The following HGF variants were observed in gnomAD, a reference collection of about 807,000 sequenced individuals.
HGF encodes fibroblast-derived tumor cytotoxic factor.
Under a neutral mutation model 111.6 loss-of-function variants are expected in HGF, and 39 were observed. The observed-to-expected ratio is 0.35, with a 90% confidence interval of 0.27 to 0.46. The LOEUF (loss-of-function observed/expected upper bound fraction) is 0.46. Ranked by LOEUF, HGF falls within the 20% of genes least tolerant of loss-of-function variation. HGF has a pLI of 1.00. For missense variants in HGF, 735 were observed against 910.5 expected (o/e 0.81, Z 2.48); for synonymous variants, 285 against 294.8 (o/e 0.97, Z 0.34).
In HGF at chr7:81,745,199, C is replaced by A. The variant is rs1397417579; in HGVS notation, c.626-79G>T. The A allele has an allele frequency of 2.1e-6, 3 of 1,449,894 alleles. No homozygotes were observed. In the African/African-American group the frequency reaches 4.2e-5, roughly 20 times the overall value. 89.8% of individuals were successfully genotyped at this position (1,449,894 alleles called of 1,614,324 possible). A position where few individuals can be genotyped will look rare whatever the true frequency, so the allele number is the denominator to read the frequency against. ...CACCACTGTTGCATTTAAAGAACAG[C>A]ACCTGTTTAGTAAACAGATTTTTAA... On this transcript the variant is annotated intron_variant, in intron 5 of 17. Coordinates refer to ENST00000222390, the MANE Select transcript of HGF (RefSeq NM_000601.6).
intron 1 of HGF, among the ~76,000 whole-genome samples, chr7:81,766,385 T>C (rs183835057): frequency 6.6e-6 from 1 of 152,242 alleles, no homozygotes; most frequent in Admixed American, 6.5e-5. Context: ...ACACAAATAA[T>C]TAATGGAAGG....
At chr7:81,762,271 T>A (rs1027387716) in intron 2 of HGF, among the ~76,000 whole-genome samples, 1 of 152,206 alleles carries the variant, frequency 6.6e-6, no homozygotes, top group African/African-American at 2.4e-5. Context: ...TCTCAACACC[T>A]TTTATTTAAA....
rs1368997557 is a variant in HGF, at chr7:81,700,825, T to C, written c.*1756A>G. ...TATGAAAAAAAAATTGTATAAGCATTTCTGGACTCGCCGCCCTATATTCTG... is the reference window on the plus strand; with the variant it reads ...TATGAAAAAAAAATTGTATAAGCATCTCTGGACTCGCCGCCCTATATTCTG... On this transcript the variant is annotated 3_prime_UTR_variant, in exon 18 of 18. Transcript: ENST00000222390. 1.3e-5 allele frequency: 2 copies of C among 151,562 alleles called. No individual in the cohort carries two copies. The highest frequency in any genetic ancestry group is 3.0e-5 in the Non-Finnish European group (2 of 67,652). The allele number at this position is 151,562 out of a possible 1,614,324, so 9.4% of individuals were successfully genotyped here. A position where few individuals can be genotyped will look rare whatever the true frequency, so the allele number is the denominator to read the frequency against.
At chr7:81,705,104 T>C (rs1789386984) in intron 17 of HGF, among the ~76,000 whole-genome samples, 1 of 151,872 alleles carries the variant, frequency 6.6e-6, no homozygotes, top group East Asian at 1.9e-4. Flanking sequence ...CTAACTGATT[T>C]GGATACTTCT....
chr7:81,716,908 G>C (rs1032690197), intron 11 of HGF, among the ~76,000 whole-genome samples: 1 of 152,130 alleles, frequency 6.6e-6, no homozygotes, highest in South Asian at 2.1e-4. Flanking sequence ...ATTGGTATTG[G>C]GGGGTGGGGA....
At chr7:81,758,964 C>T (rs752711311) in intron 2 of HGF, among the ~76,000 whole-genome samples, 160 bp from the exon 3 acceptor site, 1 of 151,958 alleles carries the variant, frequency 6.6e-6, no homozygotes, top group Non-Finnish European at 1.5e-5. Flanking sequence ...TTGAACCTAC[C>T]ATTTTGATAG....
Position 81,757,314 on chromosome 7 carries a change from A to G in HGF, c.368-11T>C, listed in dbSNP as rs748636962. ...AGTTTCTAATGTAGTCTATTGAAGA[A>G]AGTAGATAAAATTATTGCAACTATG... On this transcript the variant is annotated splice_polypyrimidine_tract_variant and intron_variant, in intron 3 of 17. Coordinates refer to ENST00000222390, the MANE Select transcript of HGF (RefSeq NM_000601.6). 88 of 1,399,944 alleles carry G rather than the reference A, an allele frequency of 6.3e-5. No individual in the cohort carries two copies. Among genetic ancestry groups the G allele is most frequent in the Admixed American group, 1.7e-4 (10 of 59,714 alleles). The allele number at this position is 1,399,944 out of a possible 1,614,324, so 86.7% of individuals were successfully genotyped here.
At position 81,745,093 on chromosome 7, in the gene HGF, C is replaced by T. The variant is rs2116046085; in HGVS notation, c.653G>A (p.Ser218Asn). ...TGTATGATCCATGAGACCTCGATAACTCTCCCCATTGCAGGTCATGCATTC... is the reference window on the plus strand; with the variant it reads ...TGTATGATCCATGAGACCTCGATAATTCTCCCCATTGCAGGTCATGCATTC... The part of the protein sequence containing the change: ...EVECMTCNGE[S>N]YRGLMDHTES... Residue 218 changes from serine (S) to asparagine (N), a missense_variant, in exon 6 of 18, where the codon AGT becomes AAT. Ser to Asn is a conservative substitution (Grantham distance 46). Coordinates refer to ENST00000222390, the MANE Select transcript of HGF (RefSeq NM_000601.6). The T allele has an allele frequency of 6.2e-7, 1 of 1,613,874 alleles. No individual in the cohort carries two copies. Among genetic ancestry groups the T allele is most frequent in the Non-Finnish European group, 8.5e-7 (1 of 1,179,806 alleles).
intron 15 of HGF, 45 bp downstream of exon 15, chr7:81,706,242 A>T (rs1789422680): frequency 6.3e-7 from 1 of 1,586,006 alleles, no homozygotes. Context: ...TGCTCCAACA[A>T]TTCTTGTCCA....
intron 7 of HGF, among the ~76,000 whole-genome samples, chr7:81,741,136 G>A (rs141695501): frequency 3.2e-4 from 49 of 152,092 alleles, no homozygotes; most frequent in Admixed American, 2.2e-3. Flanking sequence ...TAGAAGTATC[G>A]TCTCTTTATA....
rs5745729 is a variant in HGF at position 81,716,269 on chromosome 7, C to T, written c.1405+963G>A. Among the ~76,000 whole-genome samples the T allele has an allele frequency of 8.4e-3, 1,276 of 152,136 alleles. 26 individuals are homozygous for T. The highest frequency in any genetic ancestry group is 0.029 in the African/African-American group (1,224 of 41,514). On this transcript the variant is annotated intron_variant, in intron 11 of 17. Coordinates refer to ENST00000222390, the MANE Select transcript of HGF (RefSeq NM_000601.6). ...CTACAATGCACAGAACAGCATCTAC[C>T]CCAAAATGTGGGTGTGCGGAGGCCC...
At chr7:81,750,365 T>C (rs1562898686) in intron 5 of HGF, among the ~76,000 whole-genome samples, 1 of 152,150 alleles carries the variant, frequency 6.6e-6, no homozygotes, top group Non-Finnish European at 1.5e-5. Context: ...GCCAGGCCAC[T>C]AATTATTTCC....
chr7:81,762,323 G>A (rs1562910658), intron 2 of HGF, among the ~76,000 whole-genome samples: 1 of 152,016 alleles, frequency 6.6e-6, no homozygotes, highest in Non-Finnish European at 1.5e-5. Flanking sequence ...GTAAATTTTG[G>A]CTGCTGCCCA....
chr7:81,723,588 G>A (rs978736649), intron 9 of HGF, among the ~76,000 whole-genome samples: 1 of 150,824 alleles, frequency 6.6e-6, no homozygotes, highest in African/African-American at 2.4e-5. Context: ...TATATAATAT[G>A]TAGTGTTTTA....
At chr7:81,728,868 G>T (rs979144762) in intron 8 of HGF, among the ~76,000 whole-genome samples, 21 of 152,204 alleles carry the variant, frequency 1.4e-4, no homozygotes, top group African/African-American at 4.8e-4. Flanking sequence ...CACTATGAAT[G>T]ATGTGTGTTA....
intron 9 of HGF, among the ~76,000 whole-genome samples, chr7:81,721,692 A>G (rs1789868700): frequency 6.6e-6 from 1 of 152,210 alleles, no homozygotes; most frequent in Non-Finnish European, 1.5e-5. Flanking sequence ...GGAATATTGC[A>G]TCAGTGATGC....
In HGF at chr7:81,706,416, T is replaced by G. The variant is rs1349307462; in HGVS notation, c.1628A>C (p.Asp543Ala). The change falls in exon 15 of 18, where the codon GAT becomes GCT. Residue 543 changes from aspartate (D) to alanine (A), a missense_variant. By Grantham distance (126) the Asp-to-Ala change is moderately radical (BLOSUM62 -2). Around this residue, in one of 3 missense-constraint regions of HGF, gnomAD observed 553 missense variants for 685.6 expected, o/e 0.81. Transcript: ENST00000222390. ...ATGAATTCCAAGCCAAGCTTCATAA[T>G]CTTTCAAGTCTCTGTTTTGAAGGAA... Reference protein sequence around the residue: ...RQCFPSRDLKDYEAWLGIHDV... With the variant: ...RQCFPSRDLKAYEAWLGIHDV... The G allele has an allele frequency of 6.2e-7, 1 of 1,611,928 alleles. No individual in the cohort carries two copies. Among genetic ancestry groups the G allele is most frequent in the Non-Finnish European group, 8.5e-7 (1 of 1,178,458 alleles).
At position 81,707,381 on chromosome 7, in the gene HGF, A is replaced by G. The variant is rs1789455794; in HGVS notation, c.1542-17T>C. On this transcript the variant is annotated splice_polypyrimidine_tract_variant and intron_variant, in intron 13 of 17. Transcript: ENST00000222390. ...TGTTTATTTCTGTGAAAAAGAGGAA[A>G]GAGAAACAAGTAACATCTGTGCAGA... 1.4e-6 allele frequency: 2 copies of G among 1,460,898 alleles called. No individual in the cohort carries two copies. The highest frequency in any genetic ancestry group is 1.9e-6 in the Non-Finnish European group (2 of 1,041,604). 90.5% of individuals were successfully genotyped at this position (1,460,898 alleles called of 1,614,324 possible). A position where few individuals can be genotyped will look rare whatever the true frequency, so the allele number is the denominator to read the frequency against.
chr7:81,753,403 A>G (rs928513544), intron 4 of HGF, among the ~76,000 whole-genome samples: 2 of 152,132 alleles, frequency 1.3e-5, no homozygotes, highest in South Asian at 2.1e-4. Flanking sequence ...CTTTATTTCT[A>G]CTTTTACTGA....
Sources: gnomAD v4.1 joint callset for allele counts (sites outside exome capture counted in the v4.1 genomes callset) on GRCh38, gnomAD v4.1.1 for gene constraint, gnomAD v4.1.1 regional missense constraint, MANE v1.5 for transcripts, NCBI Gene and HGNC (gene_info 2026-07-23, HGNC 2026-07-21) for gene names.